Variants in SH3D19 observed in about 807,000 individuals in gnomAD.
SH3D19 encodes SH3 domain containing 19, also known as SH3 domain-containing protein 19.
A neutral mutation model predicts 112.1 loss-of-function variants in SH3D19; 58 were observed. The ratio of observed to expected loss-of-function variants is 0.52; its 90% CI spans 0.42 to 0.64. The LOEUF (loss-of-function observed/expected upper bound fraction) is 0.64. SH3D19 is among the 30% of genes least tolerant of loss of function. The probability of loss-of-function intolerance (pLI) is 0.00; values close to 1 mark genes in which losing one functional copy is unlikely to be tolerated. For synonymous variants in SH3D19, 391 were observed against 448.5 expected (o/e 0.87, Z 1.62); for missense variants, 1,090 against 1,263.4 (o/e 0.86, Z 2.08).
rs1220709166 is a variant in SH3D19 at position 151,255,293 on chromosome 4, T to G, written c.113-29207A>C. 1.1e-4 allele frequency among the ~76,000 whole-genome samples: 12 copies of G among 112,876 alleles called. No homozygotes were observed. The South Asian group carries it at 1.5e-3, about 14-fold the overall frequency. 74.1% of individuals were successfully genotyped at this position (112,876 alleles called of 152,430 possible). The stretch of plus-strand genomic sequence containing the variant: ...GACGGGGCGGTTGCCGGGCAGAGGG[T>G]CTCCTCACTTCTCAGACGGGGCGGC... On this transcript the variant is annotated intron_variant, in intron 1 of 19. Coordinates refer to ENST00000604030, the MANE Select transcript of SH3D19 (RefSeq NM_001378122.1).
chr4:151,134,072 T>A (rs1327214083), intron 15 of SH3D19, among the ~76,000 whole-genome samples: 1 of 152,214 alleles, frequency 6.6e-6, no homozygotes, highest in Non-Finnish European at 1.5e-5. Context: ...AATGGGTCAA[T>A]GACTGTAAAA....
chr4:151,285,061 T>C (rs1774617211), intron 1 of SH3D19, among the ~76,000 whole-genome samples: 1 of 152,186 alleles, frequency 6.6e-6, no homozygotes, highest in Non-Finnish European at 1.5e-5. Context: ...CTATGCATGA[T>C]AATGACTGGG....
intron 1 of SH3D19, among the ~76,000 whole-genome samples, chr4:151,317,139 G>A (rs1043116987): frequency 5.3e-5 from 8 of 152,174 alleles, no homozygotes; most frequent in African/African-American, 1.4e-4. Flanking sequence ...GGGAGACACC[G>A]TCTTGAGCTT....
chr4:151,179,911 A>G (rs1445126478), intron 3 of SH3D19, among the ~76,000 whole-genome samples: 1 of 152,188 alleles, frequency 6.6e-6, no homozygotes, highest in African/African-American at 2.4e-5. Flanking sequence ...ACAGGGTCTC[A>G]CCCTGTTGCT....
At chr4:151,231,833 C>T (rs991326963) in intron 1 of SH3D19, among the ~76,000 whole-genome samples, 2 of 152,282 alleles carry the variant, frequency 1.3e-5, no homozygotes, top group Middle Eastern at 3.4e-3. Context: ...AAATGCAGTA[C>T]TCTAATTACC....
chr4:151,132,654 G>C (rs1750970866), intron 16 of SH3D19, among the ~76,000 whole-genome samples: 1 of 152,062 alleles, frequency 6.6e-6, no homozygotes, highest in African/African-American at 2.4e-5. Context: ...TTATTTATTA[G>C]ATACAGAGTC....
At chr4:151,247,539 G>A (rs1433921500) in intron 1 of SH3D19, among the ~76,000 whole-genome samples, 2 of 152,020 alleles carry the variant, frequency 1.3e-5, no homozygotes, top group Non-Finnish European at 2.9e-5. Context: ...AAATTTACCT[G>A]CTTGAAATGT....
chr4:151,149,723 T>C (rs188623203), intron 9 of SH3D19, among the ~76,000 whole-genome samples, 162 bp from the exon 10 acceptor site: 3 of 152,314 alleles, frequency 2.0e-5, no homozygotes, highest in Admixed American at 2.0e-4. Flanking sequence ...TATTAACCTA[T>C]TTCTGCCTAA....
chr4:151,307,415 C>G (rs1053763064), intron 1 of SH3D19, among the ~76,000 whole-genome samples: 3 of 152,238 alleles, frequency 2.0e-5, no homozygotes, highest in Non-Finnish European at 4.4e-5. Flanking sequence ...ATTTAAGCTT[C>G]AAAAGCCAAA....
At chr4:151,237,524 A>G (rs1049482006) in intron 1 of SH3D19, among the ~76,000 whole-genome samples, 2 of 94,488 alleles carry the variant, frequency 2.1e-5, no homozygotes, top group Non-Finnish European at 5.2e-5. Context: ...TCTAGGTCAG[A>G]CAGGCCTTGT....
chr4:151,213,919 G>A (rs1417215084), intron 2 of SH3D19, among the ~76,000 whole-genome samples: 1 of 150,688 alleles, frequency 6.6e-6, no homozygotes, highest in Non-Finnish European at 1.5e-5. Context: ...TCACAGAGAG[G>A]GATTTGGCAG....
At chr4:151,262,792 G>A (rs141608599) in intron 1 of SH3D19, 1 of 152,028 alleles carries the variant, frequency 6.6e-6, no homozygotes, top group East Asian at 1.9e-4. Flanking sequence ...GGATCAAACT[G>A]CATCCAAACC....
At chr4:151,163,216 T>C (rs758487102) in intron 8 of SH3D19, among the ~76,000 whole-genome samples, 61 of 152,216 alleles carry the variant, frequency 4.0e-4, no homozygotes, top group Non-Finnish European at 4.7e-4. Context: ...CATTTGCCTT[T>C]TCTCTTTGCT....
chr4:151,200,055 A>G (rs1764171252), intron 2 of SH3D19, among the ~76,000 whole-genome samples: 2 of 152,142 alleles, frequency 1.3e-5, no homozygotes, highest in African/African-American at 4.8e-5. Flanking sequence ...CAGCAAGAAG[A>G]TACTGTCTAT....
intron 9 of SH3D19, 77 bp from the exon 10 acceptor site, chr4:151,149,638 T>C: frequency 7.6e-7 from 1 of 1,312,824 alleles, no homozygotes; most frequent in Non-Finnish European, 1.1e-6. Context: ...CTAGGCAACC[T>C]TTTGGCTGGA....
chr4:151,307,284 A>G (rs961860368), intron 1 of SH3D19, among the ~76,000 whole-genome samples: 5 of 152,046 alleles, frequency 3.3e-5, no homozygotes, highest in Non-Finnish European at 7.4e-5. Context: ...GGCCTCCCAA[A>G]GTGCTGGGAT....
chr4:151,228,048 C>T, intron 1 of SH3D19: 1 of 985,378 alleles, frequency 1.0e-6, no homozygotes, highest in Non-Finnish European at 1.2e-6. Context: ...CTCCTTCGTT[C>T]TTGGTTAAAA....
intron 8 of SH3D19, among the ~76,000 whole-genome samples, chr4:151,163,647 C>T (rs1404908913): frequency 1.3e-5 from 2 of 150,396 alleles, no homozygotes; most frequent in Non-Finnish European, 2.9e-5. Flanking sequence ...GCGGCATGAT[C>T]TTCGCTCACT....
intron 7 of SH3D19, among the ~76,000 whole-genome samples, chr4:151,169,705 A>ATTAT: frequency 6.6e-6 from 1 of 152,242 alleles, no homozygotes. Context: ...AAACTGGATC[A>ATTAT]TTAGTACTAG....
Sources: gnomAD v4.1 joint callset for allele counts (sites outside exome capture counted in the v4.1 genomes callset) on GRCh38, gnomAD v4.1.1 for gene constraint, MANE v1.5 for transcripts, NCBI Gene and HGNC (gene_info 2026-07-23, HGNC 2026-07-21) for gene names.